ESR1: variants seen among roughly 807,000 people sequenced by gnomAD.
ESR1 encodes the protein estrogen receptor 1.
A neutral mutation model predicts 52.7 loss-of-function variants in ESR1; 12 were observed. The ratio of observed to expected loss-of-function variants is 0.23; its 90% CI spans 0.15 to 0.37. The LOEUF is 0.37. ESR1 is among the 10% of genes least tolerant of loss of function. The pLI is 1.00. For synonymous variants in ESR1, 305 were observed against 316.8 expected (o/e 0.96, Z 0.39); for missense variants, 584 against 779.7 (o/e 0.75, Z 2.99).
intron 2 of ESR1, among the ~76,000 whole-genome samples, chr6:151,747,604 A>G (rs1244100966): frequency 6.6e-6 from 1 of 152,156 alleles, no homozygotes; most frequent in African/African-American, 2.4e-5. Flanking sequence ...TATAAAATCC[A>G]CCCATTTAAA....
intron 1 of ESR1, among the ~76,000 whole-genome samples, chr6:151,835,111 A>T (rs1783102494): frequency 6.6e-6 from 1 of 152,160 alleles, no homozygotes; most frequent in Admixed American, 6.5e-5. Context: ...TGTTTTTCAG[A>T]GAAGAGGAAG....
chr6:151,659,758 T>C (rs1292154070), intron 1 of ESR1, among the ~76,000 whole-genome samples: 1 of 151,992 alleles, frequency 6.6e-6, no homozygotes, highest in Non-Finnish European at 1.5e-5. Context: ...TCAACTAAAC[T>C]GAAAAAAGAA....
chr6:151,996,720 T>C (rs1376319095), intron 4 of ESR1, among the ~76,000 whole-genome samples: 4 of 152,126 alleles, frequency 2.6e-5, no homozygotes, highest in South Asian at 2.1e-4. Context: ...TCCATCTCAA[T>C]AGACAAAAGT....
At chr6:151,878,075 GAAGT>G (rs1237447769) in intron 2 of ESR1, among the ~76,000 whole-genome samples, 1 of 151,864 alleles carries the variant, frequency 6.6e-6, no homozygotes, top group Non-Finnish European at 1.5e-5. Context: ...TCAGCTTCCT[GAAGT>G]ACTGGAATTA....
At chr6:152,016,188 T>G (rs1160866789) in intron 5 of ESR1, among the ~76,000 whole-genome samples, 1 of 152,152 alleles carries the variant, frequency 6.6e-6, no homozygotes. Context: ...TCCGCCATGA[T>G]TATGAGGCCT....
At chr6:151,670,461 A>G (rs1052168998) in intron 1 of ESR1, among the ~76,000 whole-genome samples, 3 of 152,160 alleles carry the variant, frequency 2.0e-5, no homozygotes, top group Non-Finnish European at 2.9e-5. Context: ...CCTGGTCATC[A>G]CAGTATCCTT....
chr6:152,097,099 A>G (rs1264584043), intron 7 of ESR1, among the ~76,000 whole-genome samples: 1 of 152,122 alleles, frequency 6.6e-6, no homozygotes, highest in Non-Finnish European at 1.5e-5. Context: ...TTCTGTTGGA[A>G]TCGTGTGAAA....
intron 2 of ESR1, among the ~76,000 whole-genome samples, chr6:151,705,120 G>A (rs1780091065): frequency 2.6e-5 from 4 of 152,012 alleles, no homozygotes; most frequent in African/African-American, 9.7e-5. Context: ...CATCATAAGA[G>A]CACATTTTTC....
chr6:152,123,425 C>T (rs1296086449), intron 6 of ESR1, among the ~76,000 whole-genome samples: 2 of 152,102 alleles, frequency 1.3e-5, no homozygotes, highest in African/African-American at 4.8e-5. Context: ...ATCCTACAGC[C>T]CCTTCTACAC....
chr6:151,951,638 A>C (rs1170448984), intron 4 of ESR1, among the ~76,000 whole-genome samples: 1 of 152,198 alleles, frequency 6.6e-6, no homozygotes, highest in Non-Finnish European at 1.5e-5. Context: ...TGGTTGTAAT[A>C]GGACATCAAA....
chr6:152,118,232 A>G (rs943321173), intron 6 of ESR1: 1 of 152,154 alleles, frequency 6.6e-6, no homozygotes, highest in Non-Finnish European at 1.5e-5. Flanking sequence ...ATTCCCTTCT[A>G]GTTTCCTCAT....
At chr6:151,699,193 G>C (rs371765526) in intron 1 of ESR1, among the ~76,000 whole-genome samples, 91 of 152,250 alleles carry the variant, frequency 6.0e-4, no homozygotes, top group African/African-American at 2.1e-3. Context: ...GAATAGAAGT[G>C]AAATTTGTTG....
In ESR1 at chr6:151,937,690, G is replaced by T. The variant is rs114917436; in HGVS notation, c.761-6483G>T. The stretch of plus-strand genomic sequence containing the variant: ...TTGACCTGAAACATTTAGAGGCTGT[G>T]ATAACACTAATAATAATAATCTATA... On this transcript the variant is annotated intron_variant, in intron 3 of 7. Coordinates refer to ENST00000206249, the MANE Select transcript of ESR1 (RefSeq NM_000125.4). Among the ~76,000 whole-genome samples, 1,473 of 152,242 alleles carry T rather than the reference G, an allele frequency of 9.7e-3. 16 individuals are homozygous for T. The highest frequency in any genetic ancestry group is 0.035 in the African/African-American group (1,437 of 41,552).
chr6:152,011,250 A>G (rs921825515), intron 4 of ESR1, among the ~76,000 whole-genome samples: 4 of 152,108 alleles, frequency 2.6e-5, no homozygotes, highest in Admixed American at 6.6e-5. Flanking sequence ...CCCAATTCCT[A>G]TTGGGCATAA....
intron 1 of ESR1, among the ~76,000 whole-genome samples, chr6:151,828,725 G>T (rs990778912): frequency 6.6e-6 from 1 of 152,162 alleles, no homozygotes; most frequent in Non-Finnish European, 1.5e-5. Context: ...CCTTGGTAGG[G>T]CATATCACAC....
At chr6:151,876,824 A>G (rs993488106) in intron 2 of ESR1, among the ~76,000 whole-genome samples, 1 of 152,186 alleles carries the variant, frequency 6.6e-6, no homozygotes, top group Non-Finnish European at 1.5e-5. Flanking sequence ...GATGGGCAAG[A>G]AAATAGTGCG....
chr6:151,851,844 A>G (rs1786800562), intron 2 of ESR1, among the ~76,000 whole-genome samples: 2 of 152,176 alleles, frequency 1.3e-5, no homozygotes, highest in African/African-American at 4.8e-5. Flanking sequence ...AGAGTCTTTA[A>G]TGCAGATTAA....
intron 2 of ESR1, among the ~76,000 whole-genome samples, chr6:151,723,010 G>A (rs1781570091): frequency 6.6e-6 from 1 of 152,130 alleles, no homozygotes; most frequent in South Asian, 2.1e-4. Context: ...TGGTGTGGTG[G>A]GCACTGAGCA....
intron 3 of ESR1, among the ~76,000 whole-genome samples, chr6:151,930,646 A>G (rs978490417): frequency 6.6e-6 from 1 of 152,182 alleles, no homozygotes. Context: ...TGCTTTATGT[A>G]GATCCAAGTT....
Sources: allele counts gnomAD v4.1 joint callset (sites outside exome capture counted in the v4.1 genomes callset), GRCh38; gene constraint gnomAD v4.1.1; transcripts MANE v1.5; gene names NCBI Gene and HGNC (gene_info 2026-07-23, HGNC 2026-07-21).